Variants in WDR72 observed in about 807,000 individuals in gnomAD.
WDR72 encodes the protein WD repeat domain 72, also known as WD repeat-containing protein 72.
A neutral mutation model predicts 124.2 loss-of-function variants in WDR72; 120 were observed. The ratio of observed to expected loss-of-function variants is 0.97; its 90% confidence interval spans 0.83 to 1.12. The LOEUF (loss-of-function observed/expected upper bound fraction) is 1.12, where lower values mean the gene tolerates loss of function less well. WDR72 is among the 50% of genes most tolerant of loss of function. WDR72 has a pLI of 0.00. For missense variants in WDR72, 1,387 were observed against 1,278.8 expected, an observed-to-expected ratio of 1.08 and a Z score of -1.29; for synonymous variants, 452 against 441.7, an observed-to-expected ratio of 1.02 and a Z score of -0.29.
intron 3 of WDR72, among the ~76,000 whole-genome samples, chr15:53,722,536 G>A (rs1350992254): frequency 1.3e-5 from 2 of 152,178 alleles, no homozygotes; most frequent in African/African-American, 2.4e-5. Context: ...CCCAGTAAGA[G>A]TGCTACAAGT....
intron 2 of WDR72, among the ~76,000 whole-genome samples, chr15:53,731,699 C>A (rs988970203): frequency 6.6e-6 from 1 of 151,804 alleles, no homozygotes; most frequent in African/African-American, 2.4e-5. Context: ...TGCCTTATAT[C>A]ATAACTGTGC....
At chr15:53,586,772 T>C (rs1291825608) in intron 18 of WDR72, among the ~76,000 whole-genome samples, 1 of 152,044 alleles carries the variant, frequency 6.6e-6, no homozygotes, top group Non-Finnish European at 1.5e-5. Context: ...GAATGGCTGA[T>C]GATTTACTAC....
In WDR72 at chr15:53,702,147, G is replaced by C. The variant is rs1242770867; in HGVS notation, c.1556C>G (p.Pro519Arg). The C allele has an allele frequency of 6.2e-7, 1 of 1,613,146 alleles. No homozygotes were observed. The highest frequency in any genetic ancestry group is 1.1e-5 in the South Asian group (1 of 91,012). The change falls in exon 12 of 20, where the codon CCA (proline) becomes CGA (arginine). Residue 519 changes from proline to arginine, a missense_variant. Pro to Arg is a moderately radical substitution (Grantham distance 103, BLOSUM62 -2). Coordinates refer to ENST00000360509, the MANE Select transcript of WDR72 (RefSeq NM_182758.4). ...TCTTCGTCTTACTTTAAACTTCTCT[G>C]GTGACATCAAAAGACTTGTTACTGG... ...AGPVTSLLMS[P>R]EKFKLRGEQI...
intron 18 of WDR72, among the ~76,000 whole-genome samples, chr15:53,545,796 T>C (rs1401488036): frequency 7.8e-6 from 1 of 128,168 alleles, no homozygotes; most frequent in East Asian, 2.1e-4. Flanking sequence ...GAATCTACAA[T>C]GAACTCAAAC....
intron 18 of WDR72, among the ~76,000 whole-genome samples, chr15:53,530,759 T>A (rs961188560): frequency 1.3e-4 from 20 of 152,048 alleles, no homozygotes; most frequent in African/African-American, 4.6e-4. Flanking sequence ...TATATGAACT[T>A]AAGATAAGGA....
chr15:53,668,709 G>C (rs1029361246), intron 13 of WDR72, among the ~76,000 whole-genome samples: 1 of 151,918 alleles, frequency 6.6e-6, no homozygotes, highest in Non-Finnish European at 1.5e-5. Context: ...TTCAAGACCA[G>C]CCTGGGCAAC....
chr15:53,563,149 G>A (rs538530064), intron 18 of WDR72, among the ~76,000 whole-genome samples: 2 of 151,840 alleles, frequency 1.3e-5, no homozygotes, highest in African/African-American at 4.8e-5. Context: ...CTAGAAAAAT[G>A]GTCCTAATTA....
At chr15:53,731,565 T>C (rs757608023) in intron 2 of WDR72, among the ~76,000 whole-genome samples, 2 of 151,664 alleles carry the variant, frequency 1.3e-5, no homozygotes. Context: ...CAGATGTCTC[T>C]TCGGAGGAAA....
intron 18 of WDR72, among the ~76,000 whole-genome samples, chr15:53,543,276 G>A (rs1162620120): frequency 1.3e-5 from 2 of 150,474 alleles, no homozygotes; most frequent in Non-Finnish European, 3.0e-5. Context: ...TAAAAGAACA[G>A]AGATTATAAC....
intron 18 of WDR72, among the ~76,000 whole-genome samples, chr15:53,591,330 G>A (rs1475853426): frequency 6.6e-6 from 1 of 152,042 alleles, no homozygotes; most frequent in East Asian, 1.9e-4. Context: ...TAGAAGCAGA[G>A]AGGAAGTGGT....
At chr15:53,725,145 G>T (rs554974486) in intron 2 of WDR72, among the ~76,000 whole-genome samples, 1 of 152,148 alleles carries the variant, frequency 6.6e-6, no homozygotes, top group South Asian at 2.1e-4. Context: ...ATAGTCAAAA[G>T]ATCTGAGCAG....
chr15:53,606,281 T>C (rs1459937423), intron 17 of WDR72, among the ~76,000 whole-genome samples: 1 of 152,216 alleles, frequency 6.6e-6, no homozygotes, highest in Admixed American at 6.5e-5. Context: ...TAGGAATTTT[T>C]TGGCCACTGG....
chr15:53,701,827 T>TA (rs2017189612), intron 12 of WDR72, among the ~76,000 whole-genome samples: 1 of 152,086 alleles, frequency 6.6e-6, no homozygotes, highest in East Asian at 1.9e-4. Context: ...AATGAAGATA[T>TA]AGAATGAGAG....
At chr15:53,742,636 T>A (rs1444802266) in intron 1 of WDR72, among the ~76,000 whole-genome samples, 1 of 152,100 alleles carries the variant, frequency 6.6e-6, no homozygotes, top group African/African-American at 2.4e-5. Context: ...CATTACTTCT[T>A]GGCCTTTTGG....
In WDR72 at chr15:53,523,330, A is replaced by AAGAG. The variant is rs57737580; in HGVS notation, c.3149-12_3149-9dup. The AAGAG allele has an allele frequency of 0.17, 272,648 of 1,565,952 alleles. 4,014 individuals carry two copies. Among genetic ancestry groups the AAGAG allele is most frequent in the South Asian group, 0.22 (19,788 of 89,162 alleles). On this transcript the variant is annotated splice_polypyrimidine_tract_variant and intron_variant, in intron 18 of 19. Transcript: ENST00000360509. ...TGACCGGGCTGACTGGAGCTATTAA[A>AAGAG]AGAGAGAGAGAGAGAGAGAGAGACA... is the stretch of plus-strand genomic sequence containing the variant.
chr15:53,759,098 C>T (rs1464757694), intron 1 of WDR72, among the ~76,000 whole-genome samples: 1 of 152,154 alleles, frequency 6.6e-6, no homozygotes, highest in Non-Finnish European at 1.5e-5. Flanking sequence ...TCCCCACAGC[C>T]CCAAGCTGTC....
At chr15:53,759,877 G>A (rs369569967), upstream of WDR72, among the ~76,000 whole-genome samples, 2 of 151,676 alleles carry the variant, frequency 1.3e-5, no homozygotes, top group Admixed American at 6.6e-5. Context: ...TTGCGGTGGC[G>A]GCTGGAAAAG....
At chr15:53,715,152 A>C (rs745351400) in intron 5 of WDR72, 41 bp downstream of exon 5, 10 of 1,594,160 alleles carry the variant, frequency 6.3e-6, no homozygotes, top group Non-Finnish European at 8.6e-6. Context: ...AGATATTTTT[A>C]TATGCAATCT....
intron 4 of WDR72, among the ~76,000 whole-genome samples, chr15:53,716,077 A>AT (rs55800148): frequency 6.6e-6 from 1 of 152,196 alleles, no homozygotes; most frequent in Non-Finnish European, 1.5e-5. Context: ...AGTGTAAAAT[A>AT]TTTTAAAACA....
Sources: allele counts gnomAD v4.1 joint callset (sites outside exome capture counted in the v4.1 genomes callset), GRCh38; gene constraint gnomAD v4.1.1; transcripts MANE v1.5; gene names NCBI Gene and HGNC (gene_info 2026-07-23, HGNC 2026-07-21).